Variants in SLC35D4 observed in about 807,000 individuals in gnomAD.
The protein encoded by SLC35D4 is UDP-N-acetylglucosamine transporter SLC35D4.
the SLC35D4 span, among the ~76,000 whole-genome samples, chr18:23,252,618 A>T: frequency 6.6e-6 from 1 of 152,180 alleles, no homozygotes; most frequent in African/African-American, 2.4e-5. Flanking sequence ...GTCTGTGCAC[A>T]TCCAAGCCCC....
At chr18:23,381,789 G>C in the SLC35D4 span, among the ~76,000 whole-genome samples, 1 of 152,284 alleles carries the variant, frequency 6.6e-6, no homozygotes, top group Middle Eastern at 3.4e-3. Flanking sequence ...AAACATCCCT[G>C]AAGGACTTTC....
chr18:23,242,705 G>A, the SLC35D4 span, among the ~76,000 whole-genome samples: 1 of 150,048 alleles, frequency 6.7e-6, no homozygotes, highest in African/African-American at 2.4e-5. Flanking sequence ...AAAGAAAACC[G>A]ACTAACATTG....
the SLC35D4 span, among the ~76,000 whole-genome samples, chr18:23,380,796 A>G: frequency 2.7e-5 from 4 of 150,876 alleles, no homozygotes; most frequent in Non-Finnish European, 4.4e-5. Context: ...GTGTGTGTGT[A>G]TGTGTGCATG....
chr18:23,389,082 C>T, the SLC35D4 span, among the ~76,000 whole-genome samples: 3 of 151,378 alleles, frequency 2.0e-5, no homozygotes, highest in South Asian at 2.1e-4. Context: ...CTCCACCTCC[C>T]GGGTTCAAGT....
the SLC35D4 span, among the ~76,000 whole-genome samples, chr18:23,371,934 TG>T: frequency 2.1e-4 from 5 of 23,916 alleles, no homozygotes; most frequent in African/African-American, 7.1e-4. Context: ...TTGTTTTTTT[TG>T]TTTTTTTTTT....
the SLC35D4 span, among the ~76,000 whole-genome samples, chr18:23,431,153 C>CAAAAAA: frequency 6.0e-5 from 4 of 66,234 alleles, no homozygotes; most frequent in African/African-American, 1.3e-4. Context: ...GAGTATATCT[C>CAAAAAA]AAAAAAAAAA....
the SLC35D4 span, among the ~76,000 whole-genome samples, chr18:23,252,409 A>T: frequency 5.9e-5 from 9 of 152,300 alleles, no homozygotes; most frequent in African/African-American, 1.9e-4. Flanking sequence ...AAACTAAAAG[A>T]ACATTAGCTA....
At chr18:23,413,860 C>T in the SLC35D4 span, among the ~76,000 whole-genome samples, 9 of 151,706 alleles carry the variant, frequency 5.9e-5, no homozygotes, top group East Asian at 1.9e-4. Flanking sequence ...GGGAGAAGTG[C>T]TTGAACCTGG....
chr18:23,257,061 A>C, the SLC35D4 span: 12 of 706,812 alleles, frequency 1.7e-5, no homozygotes, highest in South Asian at 2.3e-4. Context: ...CCAGGACCGA[A>C]GGCAGGAAGC....
chr18:23,391,285 C>G, the SLC35D4 span, among the ~76,000 whole-genome samples: 1 of 151,870 alleles, frequency 6.6e-6, no homozygotes, highest in Non-Finnish European at 1.5e-5. Flanking sequence ...AGAGGATTGT[C>G]TAAGGCCCTG....
the SLC35D4 span, among the ~76,000 whole-genome samples, chr18:23,358,655 G>A: frequency 5.3e-5 from 8 of 152,104 alleles, no homozygotes; most frequent in Admixed American, 3.9e-4. Flanking sequence ...CCTTGAGAGT[G>A]GGGATGCTAT....
the SLC35D4 span, among the ~76,000 whole-genome samples, chr18:23,275,613 T>TGCCGTGCCGTGCC: frequency 7.1e-4 from 91 of 128,070 alleles, no homozygotes; most frequent in African/African-American, 2.5e-3. Context: ...TGTGCTGTGC[T>TGCCGTGCCGTGCC]GTGCTGTGCT....
At chr18:23,396,804 A>G in the SLC35D4 span, among the ~76,000 whole-genome samples, 1 of 152,128 alleles carries the variant, frequency 6.6e-6, no homozygotes, top group Non-Finnish European at 1.5e-5. Flanking sequence ...CCTCGAGAAG[A>G]TAAGGAGTTG....
At chr18:23,382,017 A>T in the SLC35D4 span, among the ~76,000 whole-genome samples, 1 of 152,166 alleles carries the variant, frequency 6.6e-6, no homozygotes, top group Admixed American at 6.5e-5. Context: ...AGGTGGGCGG[A>T]TCATGAGGTC....
the SLC35D4 span, among the ~76,000 whole-genome samples, chr18:23,262,289 A>G: frequency 3.3e-5 from 5 of 152,240 alleles, no homozygotes; most frequent in Non-Finnish European, 7.3e-5. Context: ...CCAAGTACAG[A>G]GCTAACTTAC....
At chr18:23,342,004 A>T in the SLC35D4 span, among the ~76,000 whole-genome samples, 3 of 149,242 alleles carry the variant, frequency 2.0e-5, no homozygotes, top group Admixed American at 6.7e-5. Flanking sequence ...AAAAAAAAAA[A>T]TGTCCTAAAT....
At chr18:23,436,036 T>C in the SLC35D4 span, among the ~76,000 whole-genome samples, 9 of 143,370 alleles carry the variant, frequency 6.3e-5, no homozygotes, top group East Asian at 8.1e-4. Context: ...ACTTTCTCTT[T>C]TTTTTTTTTT....
At chr18:23,372,349 C>T in the SLC35D4 span, among the ~76,000 whole-genome samples, 3 of 152,172 alleles carry the variant, frequency 2.0e-5, no homozygotes, top group African/African-American at 7.2e-5. Flanking sequence ...CTCAATGACA[C>T]TGGATCACAG....
At chr18:23,245,094 C>T in the SLC35D4 span, among the ~76,000 whole-genome samples, 2 of 152,192 alleles carry the variant, frequency 1.3e-5, no homozygotes, top group South Asian at 4.1e-4. Context: ...TATACCCCAG[C>T]CCACCTGAGG....
Sources: allele counts gnomAD v4.1 joint callset (sites outside exome capture counted in the v4.1 genomes callset), GRCh38; gene constraint gnomAD v4.1.1; transcripts MANE v1.5; gene names NCBI Gene and HGNC (gene_info 2026-07-23, HGNC 2026-07-21).